Variants in TDRD1 observed in about 807,000 individuals in gnomAD.
The protein encoded by TDRD1 is tudor domain-containing protein 1.
A neutral mutation model predicts 140.6 loss-of-function variants in TDRD1; 37 were observed. The ratio of observed to expected loss-of-function variants is 0.26; its 90% CI spans 0.20 to 0.35. TDRD1 has a LOEUF of 0.35. TDRD1 is among the 10% of genes least tolerant of loss of function. The pLI is 1.00. For missense variants in TDRD1, 1,243 were observed against 1,393.0 expected (o/e 0.89, Z 1.71); for synonymous variants, 506 against 475.7 (o/e 1.06, Z -0.83).
chr10:114,212,878 C>T (rs769624677), intron 14 of TDRD1, among the ~76,000 whole-genome samples: 2 of 152,208 alleles, frequency 1.3e-5, no homozygotes, highest in African/African-American at 2.4e-5. Context: ...CAAACATCAC[C>T]GTAATCTGAT....
intron 25 of TDRD1, chr10:114,228,751 G>T (rs572539504): frequency 1.0e-6 from 1 of 985,384 alleles, no homozygotes; most frequent in Non-Finnish European, 1.2e-6. Flanking sequence ...GTTGTAAGAT[G>T]GTTCTCAGAA....
At chr10:114,214,587 T>C (rs2035690285) in intron 16 of TDRD1, among the ~76,000 whole-genome samples, 2 of 152,194 alleles carry the variant, frequency 1.3e-5, no homozygotes, top group African/African-American at 2.4e-5. Context: ...GTGTAACGTA[T>C]AGATACATGT....
intron 3 of TDRD1, among the ~76,000 whole-genome samples, chr10:114,193,307 T>TTG (rs2034117040): frequency 6.6e-6 from 1 of 150,416 alleles, no homozygotes; most frequent in African/African-American, 2.4e-5. Flanking sequence ...TTTTTTTTTT[T>TTG]TTTTGAGACA....
exon 14 of TDRD1, chr10:114,211,972 A>C: frequency 6.2e-7 from 1 of 1,612,964 alleles, no homozygotes; most frequent in East Asian, 2.2e-5. Flanking sequence ...GTTTGATGAG[A>C]CTTTGTCCCA....
intron 18 of TDRD1, among the ~76,000 whole-genome samples, chr10:114,220,334 T>C (rs2036064895): frequency 6.6e-6 from 1 of 152,166 alleles, no homozygotes; most frequent in South Asian, 2.1e-4. Flanking sequence ...GGTAAAGATA[T>C]GTTAGCAGAG....
At chr10:114,196,632 G>A (rs1391690615) in intron 3 of TDRD1, among the ~76,000 whole-genome samples, 1 of 151,778 alleles carries the variant, frequency 6.6e-6, no homozygotes, top group Non-Finnish European at 1.5e-5. Flanking sequence ...CAGGGTTTTA[G>A]TTTACCTTAA....
chr10:114,221,369 C>G (rs2036134893), exon 20 of TDRD1: 1 of 1,612,920 alleles, frequency 6.2e-7, no homozygotes, highest in Non-Finnish European at 8.5e-7. Context: ...ACCTCTTCAG[C>G]TGAGCAATGG....
At chr10:114,231,038 G>C (rs1042230010) in intron 25 of TDRD1, among the ~76,000 whole-genome samples, 2 of 152,190 alleles carry the variant, frequency 1.3e-5, no homozygotes, top group East Asian at 3.8e-4. Context: ...CTGCACTCCA[G>C]CTTGGGCAAC....
intron 11 of TDRD1, among the ~76,000 whole-genome samples, chr10:114,207,664 A>G (rs1463460576): frequency 3.9e-5 from 6 of 152,064 alleles, no homozygotes; most frequent in Non-Finnish European, 7.4e-5. Flanking sequence ...AGAATGAGGA[A>G]GATGAAGCTG....
upstream of TDRD1, among the ~76,000 whole-genome samples, chr10:114,178,150 T>TC (rs1454924510): frequency 6.6e-6 from 1 of 152,142 alleles, no homozygotes. Flanking sequence ...GTCAGCACTT[T>TC]CATTTCACTA....
chr10:114,231,250 AAGG>A (rs1368649140), intron 25 of TDRD1, among the ~76,000 whole-genome samples: 1 of 152,206 alleles, frequency 6.6e-6, no homozygotes, highest in African/African-American at 2.4e-5. Flanking sequence ...TTTTATATAT[AAGG>A]AGAGTGCAAA....
At chr10:114,191,121 T>C (rs1264517722) in intron 3 of TDRD1, 102 bp downstream of exon 3, 8 of 1,275,092 alleles carry the variant, frequency 6.3e-6, no homozygotes, top group African/African-American at 1.5e-5. Flanking sequence ...TCATTCAAGA[T>C]CAAATGTTTT....
chr10:114,196,285 T>C (rs2034342359), intron 3 of TDRD1, among the ~76,000 whole-genome samples: 1 of 152,216 alleles, frequency 6.6e-6, no homozygotes, highest in Non-Finnish European at 1.5e-5. Context: ...CCTGCTTTTA[T>C]CATTTCTTTT....
chr10:114,228,237 C>T, intron 25 of TDRD1: 1 of 1,445,938 alleles, frequency 6.9e-7, no homozygotes, highest in South Asian at 1.5e-5. Flanking sequence ...TAAGGCTGTA[C>T]TTTCGTGATT....
intron 8 of TDRD1, 121 bp from the exon 9 acceptor site, chr10:114,203,952 A>T: frequency 8.5e-7 from 1 of 1,175,084 alleles, no homozygotes; most frequent in Non-Finnish European, 1.2e-6. Flanking sequence ...TTGGCTTATT[A>T]ATTGAGTGCC....
At chr10:114,183,293 G>C (rs900795332) in intron 1 of TDRD1, among the ~76,000 whole-genome samples, 1 of 152,144 alleles carries the variant, frequency 6.6e-6, no homozygotes, top group Non-Finnish European at 1.5e-5. Context: ...CTATACGCTA[G>C]TTTTATGGTT....
chr10:114,182,711 A>C (rs1474679233), intron 1 of TDRD1, among the ~76,000 whole-genome samples: 1 of 148,762 alleles, frequency 6.7e-6, no homozygotes, highest in African/African-American at 2.5e-5. Flanking sequence ...TTTTTGAGAC[A>C]GTCTTGCTCT....
chr10:114,202,010 C>CT lies in TDRD1; in HGVS notation c.636-227dup, dbSNP rs1008122044. On this transcript the variant is annotated intron_variant, in intron 5 of 25. Transcript: ENST00000251864. ...TGTCTGTCTCCCCCCAACCCTGTCT[C>CT]TGTCTGTCTCATTAGGTGGCTTTTG... Among the ~76,000 whole-genome samples, 151 of 152,340 alleles carry CT rather than the reference C, an allele frequency of 9.9e-4. 1 individual carries two copies. The highest frequency in any genetic ancestry group is 3.2e-3 in the African/African-American group (132 of 41,588).
chr10:114,210,643 C>G (rs775959213), exon 12 of TDRD1: 3 of 1,611,452 alleles, frequency 1.9e-6, no homozygotes, highest in Non-Finnish European at 2.5e-6. Flanking sequence ...CAAAAGTGAC[C>G]TAATCCCAAA....
Sources: allele counts gnomAD v4.1 joint callset (sites outside exome capture counted in the v4.1 genomes callset), GRCh38; gene constraint gnomAD v4.1.1; transcripts MANE v1.5; gene names NCBI Gene and HGNC (gene_info 2026-07-23, HGNC 2026-07-21).